ASTN2: variants seen among roughly 807,000 people sequenced by gnomAD.
The protein encoded by ASTN2 is astrotactin 2.
ASTN2 carries 54 observed loss-of-function variants against 139.8 expected under a neutral mutation model. The observed-to-expected ratio is 0.39, with a 90% CI of 0.31 to 0.48. ASTN2 has a LOEUF of 0.48. Ranked by LOEUF, ASTN2 falls within the 20% of genes least tolerant of loss-of-function variation. The probability of loss-of-function intolerance (pLI) is 0.95; values close to 1 mark genes in which losing one functional copy is unlikely to be tolerated. For synonymous variants in ASTN2, 756 were observed against 719.5 expected, an observed-to-expected ratio of 1.05 and a Z score of -0.81; for missense variants, 1,565 against 1,725.1, an observed-to-expected ratio of 0.91 and a Z score of 1.64.
At chr9:117,406,426 T>C (rs1830990092) in intron 1 of ASTN2, among the ~76,000 whole-genome samples, 1 of 152,290 alleles carries the variant, frequency 6.6e-6, no homozygotes, top group East Asian at 1.9e-4. Flanking sequence ...ATCCTGACAG[T>C]AGTCTGTACA....
At chr9:116,625,740 C>T (rs895802208) in intron 17 of ASTN2, among the ~76,000 whole-genome samples, 6 of 152,248 alleles carry the variant, frequency 3.9e-5, no homozygotes, top group African/African-American at 1.4e-4. Flanking sequence ...GTAGTGCATG[C>T]ACTATTTCAT....
intron 3 of ASTN2, among the ~76,000 whole-genome samples, chr9:117,154,920 A>T (rs964083453): frequency 6.6e-6 from 1 of 152,024 alleles, no homozygotes; most frequent in African/African-American, 2.4e-5. Context: ...ACCAGGCACC[A>T]TTACCTCATA....
At chr9:117,114,284 G>GACCA (rs1323456362) in intron 4 of ASTN2, among the ~76,000 whole-genome samples, 1 of 151,970 alleles carries the variant, frequency 6.6e-6, no homozygotes, top group Non-Finnish European at 1.5e-5. Flanking sequence ...ATTATCGAAT[G>GACCA]ACACTCTTAT....
intron 13 of ASTN2, among the ~76,000 whole-genome samples, chr9:116,795,172 G>T (rs1457620468): frequency 6.6e-6 from 1 of 152,072 alleles, no homozygotes; most frequent in Non-Finnish European, 1.5e-5. Flanking sequence ...TAGAGACGTG[G>T]TTTCACCATG....
intron 1 of ASTN2, among the ~76,000 whole-genome samples, chr9:117,413,329 T>A (rs1831222468): frequency 6.6e-6 from 1 of 152,204 alleles, no homozygotes; most frequent in African/African-American, 2.4e-5. Context: ...GGAAGGCCCC[T>A]CACCTGCGGT....
intron 20 of ASTN2, among the ~76,000 whole-genome samples, chr9:116,484,368 G>A (rs945716446): frequency 1.3e-5 from 2 of 152,146 alleles, no homozygotes; most frequent in Admixed American, 6.5e-5. Context: ...AACCTGCCTC[G>A]GGGCAGGTTA....
At chr9:117,355,190 T>C (rs1210129786) in intron 1 of ASTN2, among the ~76,000 whole-genome samples, 1 of 152,184 alleles carries the variant, frequency 6.6e-6, no homozygotes, top group African/African-American at 2.4e-5. Context: ...AGATAGTGAA[T>C]AGTCAGCAAA....
intron 1 of ASTN2, among the ~76,000 whole-genome samples, chr9:117,412,136 C>T (rs1831182571): frequency 6.6e-6 from 1 of 152,162 alleles, no homozygotes; most frequent in Non-Finnish European, 1.5e-5. Flanking sequence ...CCCACGTCTC[C>T]CTACACAGCT....
At chr9:116,921,586 T>TA (rs11371651) in intron 10 of ASTN2, among the ~76,000 whole-genome samples, 81,582 of 112,772 alleles carry the variant, frequency 0.72, 31,520 homozygotes, top group Non-Finnish European at 0.87. Context: ...AGACTCCGTC[T>TA]AAAAAAAAAA....
intron 16 of ASTN2, among the ~76,000 whole-genome samples, chr9:116,669,815 T>C (rs1322495147): frequency 1.3e-5 from 2 of 151,856 alleles, no homozygotes; most frequent in African/African-American, 4.8e-5. Flanking sequence ...TTGTATTTTT[T>C]TTTTTTTTGA....
intron 11 of ASTN2, among the ~76,000 whole-genome samples, chr9:116,824,234 G>A (rs1194265390): frequency 2.0e-5 from 3 of 152,222 alleles, no homozygotes; most frequent in African/African-American, 7.2e-5. Context: ...ATGGTCCCCA[G>A]TGATTCCTGC....
intron 10 of ASTN2, among the ~76,000 whole-genome samples, chr9:116,890,850 A>G (rs1833745674): frequency 6.6e-6 from 1 of 152,192 alleles, no homozygotes; most frequent in African/African-American, 2.4e-5. Context: ...CGCCTGAGGC[A>G]GCTGCTCACA....
intron 13 of ASTN2, among the ~76,000 whole-genome samples, chr9:116,737,378 G>A (rs927348950): frequency 2.0e-5 from 3 of 152,184 alleles, no homozygotes; most frequent in African/African-American, 7.2e-5. Context: ...CCACCTGGGA[G>A]AGGCGACCAG....
intron 7 of ASTN2, among the ~76,000 whole-genome samples, chr9:116,979,841 G>C (rs748284085): frequency 5.3e-5 from 8 of 152,066 alleles, no homozygotes; most frequent in Non-Finnish European, 1.2e-4. Context: ...AAATACCACA[G>C]TTCACTTCTT....
rs567284877 is a variant in ASTN2 at position 116,527,779 on chromosome 9, T to C, written c.3356-40279A>G. Among the ~76,000 whole-genome samples the C allele has an allele frequency of 3.9e-5, 6 of 152,176 alleles. No homozygotes were observed. In the East Asian group the frequency reaches 5.8e-4, roughly 15 times the overall value. ...GGTCACCCCCATGCTGTTCTCATGATAGTGAATTCTCATCAGATCTGATGG... is the reference window on the plus strand; with the variant it reads ...GGTCACCCCCATGCTGTTCTCATGACAGTGAATTCTCATCAGATCTGATGG... On this transcript the variant is annotated intron_variant, in intron 19 of 22. Transcript: ENST00000313400.
intron 2 of ASTN2, among the ~76,000 whole-genome samples, chr9:117,246,513 TCAAA>T (rs1312461249): frequency 6.6e-6 from 1 of 152,198 alleles, no homozygotes; most frequent in African/African-American, 2.4e-5. Context: ...GCTGTGAGAA[TCAAA>T]CAGTTAATGT....
intron 19 of ASTN2, among the ~76,000 whole-genome samples, chr9:116,502,485 G>A (rs1419466708): frequency 1.3e-5 from 2 of 151,084 alleles, no homozygotes; most frequent in African/African-American, 4.9e-5. Flanking sequence ...TAGGGCCAAA[G>A]ACAGAGAACC....
At chr9:117,230,223 G>A (rs1832849224) in intron 2 of ASTN2, among the ~76,000 whole-genome samples, 1 of 148,658 alleles carries the variant, frequency 6.7e-6, no homozygotes, top group African/African-American at 2.5e-5. Context: ...GGCTTAAAGT[G>A]TTAGATATTT....
intron 10 of ASTN2, among the ~76,000 whole-genome samples, chr9:116,928,201 A>C (rs1244295614): frequency 6.6e-6 from 1 of 152,228 alleles, no homozygotes; most frequent in Admixed American, 6.5e-5. Flanking sequence ...AACAGCCCCC[A>C]GGGTAGGTCT....
Sources: gnomAD v4.1 joint callset for allele counts (sites outside exome capture counted in the v4.1 genomes callset) on GRCh38, gnomAD v4.1.1 for gene constraint, MANE v1.5 for transcripts, NCBI Gene and HGNC (gene_info 2026-07-23, HGNC 2026-07-21) for gene names.